DNAH1: variants seen among roughly 807,000 people sequenced by gnomAD.
DNAH1 encodes axonemal beta dynein heavy chain 1.
A neutral mutation model predicts 484.3 loss-of-function variants in DNAH1; 327 were observed. The ratio of observed to expected loss-of-function variants is 0.68; its 90% confidence interval spans 0.62 to 0.74. The LOEUF (loss-of-function observed/expected upper bound fraction) is 0.74. DNAH1 is among the 30% of genes least tolerant of loss of function. The probability of loss-of-function intolerance (pLI) is 0.00; values close to 1 mark genes in which losing one functional copy is unlikely to be tolerated. For synonymous variants in DNAH1, 2,192 were observed against 2,191.9 expected, an observed-to-expected ratio of 1.00 and a Z score of 0.00; for missense variants, 5,052 against 5,546.8, an observed-to-expected ratio of 0.91 and a Z score of 2.83.
At position 52,347,982 on chromosome 3, in the gene DNAH1, C is replaced by T. The variant is rs1454002903; in HGVS notation, c.2106+8C>T. ...GTGCCCCAGCTGGAGAAGGTACGTG[C>T]TGCAGCCTGAGCAGGCCCCAGGCAC... is the stretch of plus-strand genomic sequence containing the variant. On this transcript the variant is annotated splice_region_variant and intron_variant, in intron 12 of 77. Coordinates refer to ENST00000420323, the MANE Select transcript of DNAH1 (RefSeq NM_015512.5). The T allele has an allele frequency of 6.2e-7, 1 of 1,603,310 alleles. No individual in the cohort carries two copies. Among genetic ancestry groups the T allele is most frequent in the Admixed American group, 1.7e-5 (1 of 58,624 alleles).
chr3:52,326,996 A>G (rs540503598), intron 5 of DNAH1, 105 bp downstream of exon 5: 10 of 1,392,358 alleles, frequency 7.2e-6, no homozygotes, highest in Non-Finnish European at 9.6e-6. Context: ...ACCAGTCACC[A>G]GCACACTCTT....
At chr3:52,339,867 A>C (rs1217911011) in intron 8 of DNAH1, among the ~76,000 whole-genome samples, 1 of 150,952 alleles carries the variant, frequency 6.6e-6, no homozygotes, top group Non-Finnish European at 1.5e-5. Context: ...GGGTCCTCCA[A>C]GGTTTTTGTC....
At chr3:52,326,370 A>G in intron 4 of DNAH1, 56 bp downstream of exon 4, 2 of 1,550,834 alleles carry the variant, frequency 1.3e-6, no homozygotes, top group Admixed American at 1.8e-5. Flanking sequence ...CACCCGCCTC[A>G]GGGGATGAGG....
In DNAH1 at chr3:52,383,974, C is replaced by T. The variant is rs377378388; in HGVS notation, c.8265C>T (p.Thr2755=). 21 of 1,611,368 alleles carry T rather than the reference C, an allele frequency of 1.3e-5. No individual in the cohort carries two copies. The highest frequency in any genetic ancestry group is 1.7e-5 in the Admixed American group (1 of 59,620). Residue 2755 remains threonine, a synonymous_variant, in exon 52 of 78, where the codon ACC becomes ACT. Coordinates refer to ENST00000420323, the MANE Select transcript of DNAH1 (RefSeq NM_015512.5). ...WPAEALKSVA[T]VFLNEIPELE... ...CAGAAGCCCTGAAGTCTGTGGCCAC[C>T]GTGTTCCTCAATGAGATCCCAGAAC...
chr3:52,340,730 C>T (rs1041443003), intron 8 of DNAH1, among the ~76,000 whole-genome samples: 2 of 152,150 alleles, frequency 1.3e-5, no homozygotes, highest in South Asian at 2.1e-4. Context: ...CCACTGTGCC[C>T]GGCCTCTGGT....
In DNAH1 at chr3:52,345,973, G is replaced by A. The variant is rs187352143; in HGVS notation, c.1656+267G>A. The stretch of plus-strand genomic sequence containing the variant: ...ATCCCTTTCCATCCCAACTCTGGTT[G>A]CCTCTGAAGCAGATCCCTTGTCTTA... On this transcript the variant is annotated intron_variant, in intron 10 of 77. Transcript: ENST00000420323. 2.4e-3 allele frequency among the ~76,000 whole-genome samples: 361 copies of A among 152,290 alleles called. 3 individuals are homozygous for A. The highest frequency in any genetic ancestry group is 3.4e-3 in the Middle Eastern group (1 of 294).
rs1022481259 is a variant in DNAH1, at chr3:52,361,136, C to T, written c.4686-28C>T. On this transcript the variant is annotated intron_variant, in intron 28 of 77. Coordinates refer to ENST00000420323, the MANE Select transcript of DNAH1 (RefSeq NM_015512.5). The surrounding 1 kb of genome is among the most constrained non-coding windows in gnomAD (Gnocchi z 5.6). ...GGGGAGTGTCCAGGCCATGTGCGGCCCGAGCCCACCTCCTCTGTCTCCTGC... is the reference window on the plus strand; with the variant it reads ...GGGGAGTGTCCAGGCCATGTGCGGCTCGAGCCCACCTCCTCTGTCTCCTGC... 3 of 1,516,116 alleles carry T rather than the reference C, an allele frequency of 2.0e-6. No homozygotes were observed. The highest frequency in any genetic ancestry group is 2.8e-5 in the African/African-American group (2 of 71,414). The allele number at this position is 1,516,116 out of a possible 1,614,324, so 93.9% of individuals were successfully genotyped here. A position where few individuals can be genotyped will look rare whatever the true frequency, so the allele number is the denominator to read the frequency against.
chr3:52,375,754 A>G (rs1376228282), intron 45 of DNAH1, among the ~76,000 whole-genome samples: 1 of 152,212 alleles, frequency 6.6e-6, no homozygotes, highest in East Asian at 1.9e-4. Context: ...GTACTTGCCC[A>G]GAAACTCTGG....
chr3:52,388,129 G>A (rs761883735), intron 56 of DNAH1, 38 bp from the exon 57 acceptor site: 11 of 1,587,530 alleles, frequency 6.9e-6, no homozygotes, highest in Non-Finnish European at 6.9e-6. Context: ...TGTCACCCTT[G>A]AGAAGCAGCC....
chr3:52,361,540 G>A lies in DNAH1; in HGVS notation c.4875-121G>A. 2.4e-6 allele frequency: 3 copies of A among 1,271,858 alleles called. No individual in the cohort carries two copies. Among genetic ancestry groups the A allele is most frequent in the Non-Finnish European group, 3.3e-6 (3 of 913,298 alleles). The allele number at this position is 1,271,858 out of a possible 1,614,324, so 78.8% of individuals were successfully genotyped here. A position where few individuals can be genotyped will look rare whatever the true frequency, so the allele number is the denominator to read the frequency against. On this transcript the variant is annotated intron_variant, in intron 29 of 77. Transcript: ENST00000420323. The surrounding 1 kb of genome is among the most constrained non-coding windows in gnomAD (Gnocchi z 5.6). ...GGAGTGGCAGTGGGTTGAAGACTGAGCTGATGGAGATTGCCCCTGAGGGCT... is the reference window on the plus strand; with the variant it reads ...GGAGTGGCAGTGGGTTGAAGACTGAACTGATGGAGATTGCCCCTGAGGGCT...
At chr3:52,372,168 G>A in intron 42 of DNAH1, 59 bp from the exon 43 acceptor site, 2 of 1,610,302 alleles carry the variant, frequency 1.2e-6, no homozygotes, top group Non-Finnish European at 8.5e-7. Flanking sequence ...GGATGCAGGG[G>A]CAGCTCCTCC....
rs1702539899 is a variant in DNAH1 at position 52,354,820 on chromosome 3, GCCTGGCTTGTCCCCGACC to G, written c.3481-20_3481-3del. 3 of 1,611,262 alleles carry G rather than the reference GCCTGGCTTGTCCCCGACC, an allele frequency of 1.9e-6. No individual in the cohort carries two copies. Among genetic ancestry groups the G allele is most frequent in the Non-Finnish European group, 2.5e-6 (3 of 1,179,190 alleles). On this transcript the variant is annotated splice_region_variant and splice_polypyrimidine_tract_variant and intron_variant, in intron 20 of 77. Coordinates refer to ENST00000420323, the MANE Select transcript of DNAH1 (RefSeq NM_015512.5). ...CAGGACCAGCCCCTCCCAGGACTCAGCCTGGCTTGTCCCCGACCCCAGGCACTGGACAAGATGGAGAAG... is the reference window on the plus strand; with the variant it reads ...CAGGACCAGCCCCTCCCAGGACTCAGCCAGGCACTGGACAAGATGGAGAAG...
intron 34 of DNAH1, 62 bp downstream of exon 34, chr3:52,365,081 CA>C (rs1453512614): frequency 1.3e-5 from 21 of 1,555,814 alleles, no homozygotes; most frequent in Non-Finnish European, 1.8e-5. Context: ...GAGTCCAGGT[CA>C]GGGGGACAGA....
intron 63 of DNAH1, 52 bp downstream of exon 63, chr3:52,391,655 C>CT: frequency 6.2e-7 from 1 of 1,602,684 alleles, no homozygotes; most frequent in East Asian, 2.2e-5. Context: ...CTCTGCCTGC[C>CT]CAGCTGCTCC....
At chr3:52,399,943 C>G (rs1452602459) in intron 77 of DNAH1, among the ~76,000 whole-genome samples, 164 bp downstream of exon 77, 1 of 152,240 alleles carries the variant, frequency 6.6e-6, no homozygotes, top group Non-Finnish European at 1.5e-5. Flanking sequence ...GGCCTGCCGT[C>G]TGGCTGTGGG....
Position 52,366,978 on chromosome 3 carries a change from T to G in DNAH1, c.5765+91T>G, listed in dbSNP as rs143240393. ...GTCACCCCTCCCTCCATTAGCCCAG[T>G]GGAAGGCCGGGCTCTGCAGCCCAAC... is the stretch of plus-strand genomic sequence containing the variant. On this transcript the variant is annotated intron_variant, in intron 36 of 77. Transcript: ENST00000420323. 625 of 1,455,154 alleles carry G rather than the reference T, an allele frequency of 4.3e-4. 2 individuals carry two copies. The African/African-American group carries it at 7.8e-3, about 18-fold the overall frequency. The allele number at this position is 1,455,154 out of a possible 1,614,324, so 90.1% of individuals were successfully genotyped here.
chr3:52,350,931 C>T (rs1702352870), intron 16 of DNAH1, among the ~76,000 whole-genome samples: 1 of 152,242 alleles, frequency 6.6e-6, no homozygotes. Flanking sequence ...TTACTGCAAC[C>T]TCCGCCTCCA....
In DNAH1 at chr3:52,381,611, G is replaced by A. The variant is rs553536901; in HGVS notation, c.7609-29G>A. ...GAGACCCTACAGTAAGAGAGACCCC[G>A]CCTTCCCCATCCTCGCCTTGGTGCA... is the stretch of plus-strand genomic sequence containing the variant. On this transcript the variant is annotated intron_variant, in intron 48 of 77. Coordinates refer to ENST00000420323, the MANE Select transcript of DNAH1 (RefSeq NM_015512.5). The surrounding 1 kb of genome is among the most constrained non-coding windows in gnomAD (Gnocchi z 4.1). 157 of 1,569,674 alleles carry A rather than the reference G, an allele frequency of 1.0e-4. No individual in the cohort carries two copies. The highest frequency in any genetic ancestry group is 2.9e-4 in the South Asian group (25 of 85,334).
chr3:52,393,197 A>C, intron 65 of DNAH1, 137 bp from the exon 66 acceptor site: 1 of 1,470,930 alleles, frequency 6.8e-7, no homozygotes, highest in Non-Finnish European at 9.3e-7. Context: ...GAGCCCCTTC[A>C]CTGGGAACAC....
Sources: allele counts gnomAD v4.1 joint callset (sites outside exome capture counted in the v4.1 genomes callset), GRCh38; gene constraint gnomAD v4.1.1; non-coding constraint Gnocchi (gnomAD v3.1); transcripts MANE v1.5; gene names NCBI Gene and HGNC (gene_info 2026-07-23, HGNC 2026-07-21).